DLGAP2: variants seen among roughly 807,000 people sequenced by gnomAD.
DLGAP2 encodes disks large-associated protein 2.
Under a neutral mutation model 100.3 loss-of-function variants are expected in DLGAP2, and 26 were observed. That is an observed-to-expected ratio of 0.26 (90% confidence interval 0.19 to 0.36). DLGAP2 has a LOEUF of 0.36. Among genes scored for constraint, DLGAP2 ranks in the 10% least tolerant of loss-of-function variants. DLGAP2 has a pLI of 1.00. For missense variants in DLGAP2, 1,858 were observed against 1,453.2 expected (o/e 1.28, Z -4.53); for synonymous variants, 886 against 630.1 (o/e 1.41, Z -6.08).
At chr8:1,056,763 C>T (rs60085358) in intron 2 of DLGAP2, among the ~76,000 whole-genome samples, 8,153 of 152,294 alleles carry the variant, frequency 0.054, 706 homozygotes, top group African/African-American at 0.19. Flanking sequence ...TAATTTTGAT[C>T]TCAGTTTCTT....
chr8:1,331,667 C>G (rs1004945704), intron 3 of DLGAP2, among the ~76,000 whole-genome samples: 8 of 152,168 alleles, frequency 5.3e-5, no homozygotes, highest in Non-Finnish European at 7.3e-5. Context: ...ATACGACAAA[C>G]GTGGTAAAAA....
chr8:1,243,395 T>C (rs1193127189), intron 2 of DLGAP2, among the ~76,000 whole-genome samples: 1 of 152,160 alleles, frequency 6.6e-6, no homozygotes, highest in Admixed American at 6.5e-5. Context: ...TGAGCGACGG[T>C]CATTCCTCCT....
intron 1 of DLGAP2, among the ~76,000 whole-genome samples, chr8:804,456 A>G (rs1332648007): frequency 6.6e-6 from 1 of 152,116 alleles, no homozygotes; most frequent in South Asian, 2.1e-4. Flanking sequence ...TTTCGAGGAG[A>G]TCTTGGGTGA....
At chr8:1,594,952 G>A (rs902364113) in intron 6 of DLGAP2, among the ~76,000 whole-genome samples, 1 of 152,092 alleles carries the variant, frequency 6.6e-6, no homozygotes, top group Non-Finnish European at 1.5e-5. Context: ...CAGGACCATC[G>A]TGGGGTCACT....
At chr8:1,652,198 T>C (rs1215678482) in intron 8 of DLGAP2, among the ~76,000 whole-genome samples, 1 of 152,222 alleles carries the variant, frequency 6.6e-6, no homozygotes, top group Non-Finnish European at 1.5e-5. Flanking sequence ...GATTGGGCTT[T>C]ACGCACACCG....
intron 3 of DLGAP2, among the ~76,000 whole-genome samples, chr8:1,377,335 G>T (rs1177228274): frequency 6.6e-6 from 1 of 152,232 alleles, no homozygotes; most frequent in Admixed American, 6.5e-5. Flanking sequence ...ACGAAGTCAG[G>T]AGATCGAGAC....
intron 3 of DLGAP2, among the ~76,000 whole-genome samples, chr8:1,442,501 T>C (rs1474189000): frequency 2.2e-5 from 3 of 139,400 alleles, no homozygotes; most frequent in Non-Finnish European, 3.0e-5. Flanking sequence ...GGGAGACGGA[T>C]CCGGGCATAG....
chr8:968,048 GCACA>G (rs2129011664), intron 2 of DLGAP2, among the ~76,000 whole-genome samples: 1 of 151,090 alleles, frequency 6.6e-6, no homozygotes, highest in African/African-American at 2.4e-5. Flanking sequence ...TGACACAGAT[GCACA>G]CACATTGTTA....
intron 3 of DLGAP2, among the ~76,000 whole-genome samples, chr8:1,374,668 G>C (rs559671534): frequency 6.6e-6 from 1 of 152,172 alleles, no homozygotes; most frequent in Non-Finnish European, 1.5e-5. Flanking sequence ...GTTCATTTCT[G>C]AGTCGTTTGG....
rs142946690 is a variant in DLGAP2, at chr8:832,654, A to C, written c.19-75258A>C. Among the ~76,000 whole-genome samples, 554 of 152,260 alleles carry C rather than the reference A, an allele frequency of 3.6e-3. 4 individuals are homozygous for C. The highest frequency in any genetic ancestry group is 0.013 in the African/African-American group (536 of 41,546). On this transcript the variant is annotated intron_variant, in intron 1 of 14. Coordinates refer to ENST00000637795, the MANE Select transcript of DLGAP2 (RefSeq NM_001346810.2). Reference sequence around the variant, plus strand: ...TGCCTGTCACTTTTCTTTTGCACTGATTTTTTTGATAAACACTTATGTTAA... The same window carrying C: ...TGCCTGTCACTTTTCTTTTGCACTGCTTTTTTTGATAAACACTTATGTTAA...
At chr8:967,772 TATATATGTATATATATA>T (rs1416250500) in intron 2 of DLGAP2, among the ~76,000 whole-genome samples, 1 of 37,562 alleles carries the variant, frequency 2.7e-5, no homozygotes, top group African/African-American at 7.1e-5. Flanking sequence ...GGTGTATATA[TATATATGTATATATATA>T]TATATACACC....
At chr8:1,114,501 A>T (rs919718324) in intron 2 of DLGAP2, among the ~76,000 whole-genome samples, 1 of 152,056 alleles carries the variant, frequency 6.6e-6, no homozygotes, top group Non-Finnish European at 1.5e-5. Flanking sequence ...TGTTCATAGT[A>T]GTTTTTGGTG....
At chr8:1,071,027 G>A (rs17815066) in intron 2 of DLGAP2, among the ~76,000 whole-genome samples, 4,572 of 152,244 alleles carry the variant, frequency 0.03, 194 homozygotes, top group East Asian at 0.12. Flanking sequence ...GAGATTCAGC[G>A]CCGGCACCTC....
intron 6 of DLGAP2, among the ~76,000 whole-genome samples, chr8:1,597,259 T>A (rs183884018): frequency 2.6e-5 from 4 of 152,252 alleles, no homozygotes; most frequent in Non-Finnish European, 5.9e-5. Context: ...CCTGTTTGGT[T>A]ACTGTGGCCT....
chr8:1,049,249 G>C (rs572340464), intron 2 of DLGAP2, among the ~76,000 whole-genome samples: 1 of 152,158 alleles, frequency 6.6e-6, no homozygotes, highest in African/African-American at 2.4e-5. Context: ...TATGCAAACG[G>C]GGGAAATGTA....
intron 2 of DLGAP2, among the ~76,000 whole-genome samples, chr8:1,097,889 C>A (rs1013500406): frequency 2.0e-5 from 3 of 151,484 alleles, no homozygotes; most frequent in Non-Finnish European, 2.9e-5. Flanking sequence ...CAGTGTGAGA[C>A]CCACCTCCCT....
intron 1 of DLGAP2, among the ~76,000 whole-genome samples, chr8:840,590 C>A: frequency 1.2e-5 from 1 of 84,680 alleles, no homozygotes. Context: ...CTGCACGTCT[C>A]CCCACACTCT....
chr8:1,382,417 A>G (rs1796117831), intron 3 of DLGAP2, among the ~76,000 whole-genome samples: 1 of 152,156 alleles, frequency 6.6e-6, no homozygotes, highest in Non-Finnish European at 1.5e-5. Context: ...TTCAAGGGCA[A>G]GTGTGCGTGA....
At chr8:891,588 GCC>G (rs1161457528) in intron 1 of DLGAP2, 1 of 152,508 alleles carries the variant, frequency 6.6e-6, no homozygotes, top group Non-Finnish European at 1.5e-5. Context: ...AGAGCGTGAG[GCC>G]GGCCTCGAGA....
Sources: allele counts gnomAD v4.1 joint callset (sites outside exome capture counted in the v4.1 genomes callset), GRCh38; gene constraint gnomAD v4.1.1; transcripts MANE v1.5; gene names NCBI Gene and HGNC (gene_info 2026-07-23, HGNC 2026-07-21).